Variants in MBP observed in about 807,000 individuals in gnomAD.
The protein encoded by MBP is Golli-MBP.
MBP carries 16 observed loss-of-function variants against 35.8 expected under a neutral mutation model. That is an observed-to-expected ratio of 0.45 (90% CI 0.30 to 0.68). MBP has a LOEUF of 0.68. MBP is among the 30% of genes least tolerant of loss of function. The pLI is 0.08. For missense variants in MBP, 380 were observed against 404.7 expected (o/e 0.94, Z 0.52); for synonymous variants, 143 against 159.6 (o/e 0.90, Z 0.78).
chr18:77,094,471 G>A (rs1360569268), intron 2 of MBP, among the ~76,000 whole-genome samples: 2 of 152,216 alleles, frequency 1.3e-5, no homozygotes, highest in African/African-American at 2.4e-5. Flanking sequence ...ACACCTTAAC[G>A]GGGACACTTT....
At chr18:77,063,703 T>C (rs1240095151) in intron 3 of MBP, among the ~76,000 whole-genome samples, 4 of 152,174 alleles carry the variant, frequency 2.6e-5, no homozygotes, top group Non-Finnish European at 5.9e-5. Context: ...TGCATTTCCA[T>C]CATTTCCAGT....
chr18:77,020,645 C>T lies in MBP; in HGVS notation c.140-3377G>A, dbSNP rs1273430396. On this transcript the variant is annotated intron_variant, in intron 3 of 8. Coordinates refer to ENST00000355994, the MANE Select transcript of MBP (RefSeq NM_001025101.2). The surrounding 1 kb of genome is among the most constrained non-coding windows in gnomAD (Gnocchi z 4.1). ...GTTAGAGACCCTTCCCAGGGCTTTA[C>T]TCGGGGCTGGTCTCATAGGCTGCCT... 6.6e-6 allele frequency among the ~76,000 whole-genome samples: 1 copy of T among 152,344 alleles called. No homozygotes were observed. Among genetic ancestry groups the T allele is most frequent in the Admixed American group, 6.5e-5 (1 of 15,310 alleles).
At chr18:77,016,251 A>C in intron 4 of MBP, 1 of 985,494 alleles carries the variant, frequency 1.0e-6, no homozygotes, top group Non-Finnish European at 1.2e-6. Flanking sequence ...AAGATAATAA[A>C]GCTTTGATTC....
chr18:77,029,793 A>AAC (rs754016352), intron 3 of MBP, among the ~76,000 whole-genome samples: 3,944 of 150,314 alleles, frequency 0.026, 56 homozygotes, highest in Non-Finnish European at 0.036. Flanking sequence ...CACACACACA[A>AAC]ACACACACAC....
At chr18:77,040,568 G>C (rs1217258840) in intron 3 of MBP, among the ~76,000 whole-genome samples, 2 of 152,196 alleles carry the variant, frequency 1.3e-5, no homozygotes, top group Non-Finnish European at 2.9e-5. Context: ...GCATGGTACT[G>C]GTACCACAAC....
chr18:77,026,046 T>C (rs1972209361), intron 3 of MBP, among the ~76,000 whole-genome samples: 1 of 152,244 alleles, frequency 6.6e-6, no homozygotes, highest in Admixed American at 6.5e-5. Flanking sequence ...CTGCGGAGCC[T>C]GGGATGAGGC....
intron 3 of MBP, among the ~76,000 whole-genome samples, chr18:77,027,139 C>A (rs1318615938): frequency 6.6e-6 from 1 of 152,066 alleles, no homozygotes; most frequent in Non-Finnish European, 1.5e-5. Flanking sequence ...AAATGACAGG[C>A]CTTTGTCTCG....
intron 1 of MBP, among the ~76,000 whole-genome samples, chr18:77,117,764 C>G (rs1325161486): frequency 5.0e-4 from 13 of 26,210 alleles, no homozygotes; most frequent in South Asian, 1.7e-3. Flanking sequence ...GGGGACGGTG[C>G]GTTGGAGTGG....
intron 3 of MBP, among the ~76,000 whole-genome samples, chr18:77,063,920 G>GTA (rs1436420999): frequency 2.1e-5 from 3 of 143,338 alleles, no homozygotes; most frequent in Non-Finnish European, 4.7e-5. Context: ...GTGTGTGTGT[G>GTA]TGTATGTGTG....
intron 2 of MBP, among the ~76,000 whole-genome samples, chr18:77,088,201 C>A (rs1364345223): frequency 6.6e-6 from 1 of 152,090 alleles, no homozygotes; most frequent in Non-Finnish European, 1.5e-5. Flanking sequence ...GAAAACCCTT[C>A]CTACCGGTTC....
chr18:77,108,172 G>T (rs1421803807), intron 1 of MBP: 2 of 152,230 alleles, frequency 1.3e-5, no homozygotes, highest in Non-Finnish European at 2.9e-5. Context: ...GCTCGAGAAG[G>T]ATGAAGCTCT....
intron 3 of MBP, among the ~76,000 whole-genome samples, chr18:77,059,020 G>C (rs35575050): frequency 0.99 from 150,041 of 152,282 alleles, 73,951 homozygotes; most frequent in Middle Eastern, 1. Context: ...TGGGGAAATA[G>C]GCATATTCAG....
At chr18:77,008,948 C>T (rs989758693) in intron 4 of MBP, among the ~76,000 whole-genome samples, 1 of 152,224 alleles carries the variant, frequency 6.6e-6, no homozygotes, top group Admixed American at 6.5e-5. Flanking sequence ...GAGGGGTACC[C>T]CAGCTCTCCC....
rs531209058 is a variant in MBP at position 77,092,000 on chromosome 18, T to C, written c.51+13211A>G. On this transcript the variant is annotated intron_variant, in intron 2 of 8. Coordinates refer to ENST00000355994, the MANE Select transcript of MBP (RefSeq NM_001025101.2). The stretch of plus-strand genomic sequence containing the variant: ...TTGCCGAAGATAGGGAACATCATTC[T>C]GAAAGCTGGATTTTTTAGGTTTCAT... Among the ~76,000 whole-genome samples, 41 of 152,402 alleles carry C rather than the reference T, an allele frequency of 2.7e-4. No individual in the cohort carries two copies. The South Asian group carries it at 5.0e-3, about 18-fold the overall frequency.
chr18:77,037,560 G>A (rs1468268763), intron 3 of MBP, among the ~76,000 whole-genome samples: 1 of 152,256 alleles, frequency 6.6e-6, no homozygotes, highest in African/African-American at 2.4e-5. Flanking sequence ...CCGGAGGGCT[G>A]TCCAGGGAAG....
intron 2 of MBP, among the ~76,000 whole-genome samples, chr18:77,099,851 C>T (rs1189525112): frequency 2.0e-5 from 3 of 152,198 alleles, no homozygotes; most frequent in African/African-American, 2.4e-5. Flanking sequence ...ACAGGAAGGG[C>T]CCAACCAGGG....
At chr18:77,087,358 A>G (rs1160456135) in intron 2 of MBP, 2 of 152,218 alleles carry the variant, frequency 1.3e-5, no homozygotes, top group Non-Finnish European at 2.9e-5. Flanking sequence ...TTAAAAGAAA[A>G]TAAGACGTTT....
At chr18:77,112,195 G>T (rs972792519) in intron 1 of MBP, among the ~76,000 whole-genome samples, 6 of 89,472 alleles carry the variant, frequency 6.7e-5, no homozygotes, top group Admixed American at 2.8e-4. Context: ...ACACACGTGC[G>T]CGCGCGGCAA....
chr18:77,086,512 C>T (rs1975242485), intron 2 of MBP, among the ~76,000 whole-genome samples: 1 of 152,160 alleles, frequency 6.6e-6, no homozygotes, highest in Non-Finnish European at 1.5e-5. Context: ...AGATGCAAGT[C>T]ATAAAAATAC....
Sources: allele counts gnomAD v4.1 joint callset (sites outside exome capture counted in the v4.1 genomes callset), GRCh38; gene constraint gnomAD v4.1.1; non-coding constraint Gnocchi (gnomAD v3.1); transcripts MANE v1.5; gene names NCBI Gene and HGNC (gene_info 2026-07-23, HGNC 2026-07-21).